The following HOXB3 variants were observed in gnomAD, a reference collection of about 807,000 sequenced individuals.
HOXB3 encodes the protein homeobox B3, also known as homeobox protein Hox-B3.
In HOXB3, 17 loss-of-function variants were observed where a neutral mutation model predicts 29.2. That is an observed-to-expected ratio of 0.58 (90% CI 0.40 to 0.87). The LOEUF is 0.87. Among genes scored for constraint, HOXB3 ranks in the 40% least tolerant of loss-of-function variants. The pLI is 0.00. For synonymous variants in HOXB3, 317 were observed against 285.9 expected (o/e 1.11, Z -1.10); for missense variants, 637 against 616.3 (o/e 1.03, Z -0.35).
At chr17:48,581,536 T>C (rs2069937311) in intron 1 of HOXB3, 1 of 152,172 alleles carries the variant, frequency 6.6e-6, no homozygotes, top group African/African-American at 2.4e-5. Flanking sequence ...CAGGACCCAC[T>C]CCAACGGTCC....
At chr17:48,578,205 C>T in intron 1 of HOXB3, 1 of 1,613,634 alleles carries the variant, frequency 6.2e-7, no homozygotes, top group Non-Finnish European at 8.5e-7. Context: ...TGGCCGCCGG[C>T]GTAGTACCCG....
At chr17:48,570,016 T>C (rs1394801354) in intron 2 of HOXB3, among the ~76,000 whole-genome samples, 1 of 151,764 alleles carries the variant, frequency 6.6e-6, no homozygotes, top group Non-Finnish European at 1.5e-5. Context: ...CTGTCTCATT[T>C]CCCCCCCTTC....
In HOXB3 at chr17:48,588,455, C is replaced by T. The variant is rs576974810; in HGVS notation, c.-425+1670G>A. On this transcript the variant is annotated intron_variant, in intron 1 of 4. Transcript: ENST00000498678. The stretch of plus-strand genomic sequence containing the variant: ...GCCTTACTATCTGGGGTTCTAGCTT[C>T]CAGAAGGGCTTTCAGAAAGGGAAGT... Among the ~76,000 whole-genome samples the T allele has an allele frequency of 2.5e-3, 378 of 152,310 alleles. 1 individual carries two copies. The highest frequency in any genetic ancestry group is 6.8e-3 in the Middle Eastern group (2 of 294).
rs749771165 is a variant in HOXB3, at chr17:48,552,215, G to A, written c.260C>T (p.Pro87Leu). Reference protein sequence around the residue: ...GLAPEPLSAPPGSPPPSAAPT... With the variant: ...GLAPEPLSAPLGSPPPSAAPT... ...TGCGGCACTGGGCGGGGGTGAGCCA[G>A]GCGGGGCCGACAGGGGCTCGGGGGC... The change falls in exon 4 of 5, where the codon CCT becomes CTT. Residue 87 changes from proline (P) to leucine (L), a missense_variant. By Grantham distance (98) the Pro-to-Leu change is moderately conservative. Transcript: ENST00000498678. 6.2e-7 allele frequency: 1 copy of A among 1,613,140 alleles called. No homozygotes were observed. Among genetic ancestry groups the A allele is most frequent in the Non-Finnish European group, 8.5e-7 (1 of 1,179,762 alleles).
rs2068890972 is a variant in HOXB3 at position 48,554,705 on chromosome 17, C to A, written c.-159+826G>T. 1 of 702,246 alleles carries A rather than the reference C, an allele frequency of 1.4e-6. No individual in the cohort carries two copies. Among genetic ancestry groups the A allele is most frequent in the Admixed American group, 2.0e-5 (1 of 49,996 alleles). The allele number at this position is 702,246 out of a possible 1,614,324, so 43.5% of individuals were successfully genotyped here. A position where few individuals can be genotyped will look rare whatever the true frequency, so the allele number is the denominator to read the frequency against. On this transcript the variant is annotated intron_variant, in intron 3 of 4. Transcript: ENST00000498678. The surrounding 1 kb of genome is among the most constrained non-coding windows in gnomAD (Gnocchi z 4.1). ...GGTTATCGGAGGCAGGTTCCCAGCA[C>A]ACCAGCCGGCCGAGGGCCGAGCCCC... is the stretch of plus-strand genomic sequence containing the variant.
intron 2 of HOXB3, among the ~76,000 whole-genome samples, chr17:48,570,338 G>C (rs540833411): frequency 5.9e-5 from 9 of 152,268 alleles, no homozygotes; most frequent in East Asian, 1.9e-4. Flanking sequence ...GACCAGTTAC[G>C]TGCAACTAGA....
intron 2 of HOXB3, among the ~76,000 whole-genome samples, chr17:48,556,068 T>C (rs965314794): frequency 6.6e-6 from 1 of 150,886 alleles, no homozygotes; most frequent in Non-Finnish European, 1.5e-5. Flanking sequence ...GGGAAGGTGA[T>C]GGTGGTGATG....
chr17:48,583,233 G>A (rs888154109), intron 1 of HOXB3, among the ~76,000 whole-genome samples: 7 of 152,180 alleles, frequency 4.6e-5, no homozygotes, highest in African/African-American at 1.7e-4. Flanking sequence ...GTCAAAGCCG[G>A]CGACATAACT....
chr17:48,552,072 C>G lies in HOXB3; in HGVS notation c.403G>C (p.Glu135Gln), dbSNP rs1487250479. 4 of 1,605,010 alleles carry G rather than the reference C, an allele frequency of 2.5e-6. No homozygotes were observed. Among genetic ancestry groups the G allele is most frequent in the Non-Finnish European group, 3.4e-6 (4 of 1,173,612 alleles). The change falls in exon 4 of 5, where the codon GAG becomes CAG. Residue 135 changes from glutamate (E) to glutamine (Q), a missense_variant. Physicochemically the swap from Glu to Gln is conservative, Grantham distance 29 (BLOSUM62 2). Transcript: ENST00000498678. ...LTKQIFPWMK[E>Q]SRQTSKLKNN... is the part of the protein sequence containing the mutation. ...TTCAGCTTGGACGTTTGCCTCGACT[C>G]TTTCATCCAGGGGAATATCTGTTTG... is the stretch of plus-strand genomic sequence containing the variant.
intron 1 of HOXB3, chr17:48,579,490 CTTTGCCTTCTTCGCACACT>C (rs1287155264): frequency 2.0e-5 from 3 of 152,560 alleles, no homozygotes; most frequent in African/African-American, 7.2e-5. Context: ...AACAAATTTC[CTTTGCCTTCTTCGCACACT>C]GAAGACAAGT....
At chr17:48,569,812 G>A (rs1459444591) in intron 2 of HOXB3, among the ~76,000 whole-genome samples, 1 of 152,234 alleles carries the variant, frequency 6.6e-6, no homozygotes, top group African/African-American at 2.4e-5. Flanking sequence ...AAGGGACAGG[G>A]TGAAGAGATT....
intron 2 of HOXB3, among the ~76,000 whole-genome samples, chr17:48,564,646 G>A (rs917432140): frequency 6.6e-6 from 1 of 152,250 alleles, no homozygotes; most frequent in Non-Finnish European, 1.5e-5. Flanking sequence ...ACTGACAGGG[G>A]CACGGCGAGG....
intron 3 of HOXB3, 162 bp downstream of exon 3, chr17:48,555,349 AGAGAGAGAGAGAGAGGGAGG>A (rs1567949131): frequency 8.3e-6 from 4 of 484,306 alleles, no homozygotes; most frequent in Non-Finnish European, 1.1e-5. Flanking sequence ...AGAGAGAGAG[AGAGAGAGAGAGAGAGGGAGG>A]GAGGGAGGGA....
chr17:48,563,534 G>C (rs963909393), intron 2 of HOXB3, among the ~76,000 whole-genome samples: 1 of 152,258 alleles, frequency 6.6e-6, no homozygotes, highest in East Asian at 1.9e-4. Flanking sequence ...CACACTGTGC[G>C]CCTGCAAAGG....
intron 2 of HOXB3, among the ~76,000 whole-genome samples, chr17:48,568,652 G>GAC (rs61141743): frequency 2.6e-5 from 4 of 151,524 alleles, no homozygotes; most frequent in Non-Finnish European, 4.4e-5. Context: ...CACACGCGCG[G>GAC]ACACACACAC....
At chr17:48,567,050 T>C (rs1196337238) in intron 2 of HOXB3, among the ~76,000 whole-genome samples, 1 of 152,188 alleles carries the variant, frequency 6.6e-6, no homozygotes, top group Non-Finnish European at 1.5e-5. Flanking sequence ...GACTTTTCCC[T>C]AGTTCTTTTT....
At position 48,554,875 on chromosome 17, in the gene HOXB3, C is replaced by T; in HGVS notation, c.-159+656G>A. On this transcript the variant is annotated intron_variant, in intron 3 of 4. Transcript: ENST00000498678. This position sits in a 1 kb window ranked among gnomAD's most constrained non-coding sequence, Gnocchi z 4.1. ...GGGACAGTGGGAAGAGAGAAAGGTGCTAAGGGGACCCAAGATCTGGGATCC... is the reference window on the plus strand; with the variant it reads ...GGGACAGTGGGAAGAGAGAAAGGTGTTAAGGGGACCCAAGATCTGGGATCC... 1.4e-6 allele frequency: 1 copy of T among 698,700 alleles called. No individual in the cohort carries two copies. The highest frequency in any genetic ancestry group is 2.6e-6 in the Non-Finnish European group (1 of 382,286). 43.3% of individuals were successfully genotyped at this position (698,700 alleles called of 1,614,324 possible).
chr17:48,564,687 A>G (rs1298543141), intron 2 of HOXB3, among the ~76,000 whole-genome samples: 1 of 152,212 alleles, frequency 6.6e-6, no homozygotes, highest in Non-Finnish European at 1.5e-5. Flanking sequence ...CCATGGCGGA[A>G]GGCGGGCACA....
At chr17:48,580,626 C>A (rs1200668400) in intron 1 of HOXB3, 2 of 152,138 alleles carry the variant, frequency 1.3e-5, no homozygotes, top group African/African-American at 4.8e-5. Context: ...CGTTTCATTT[C>A]CGAATGAAGG....
Sources: gnomAD v4.1 joint callset for allele counts (sites outside exome capture counted in the v4.1 genomes callset) on GRCh38, gnomAD v4.1.1 for gene constraint, Gnocchi (gnomAD v3.1) non-coding constraint, MANE v1.5 for transcripts, NCBI Gene and HGNC (gene_info 2026-07-23, HGNC 2026-07-21) for gene names.